Variants in LHFPL3 observed in about 807,000 individuals in gnomAD.
LHFPL3 encodes the protein LHFPL tetraspan subfamily member 3 protein.
In LHFPL3, 5 loss-of-function variants were observed where a neutral mutation model predicts 19.3. The observed-to-expected ratio is 0.26, with a 90% CI of 0.14 to 0.54. The LOEUF is 0.54. Among genes scored for constraint, LHFPL3 ranks in the 20% least tolerant of loss-of-function variants. The probability of loss-of-function intolerance (pLI) is 0.94; values close to 1 mark genes in which losing one functional copy is unlikely to be tolerated. For missense variants in LHFPL3, 249 were observed against 307.4 expected (o/e 0.81, Z 1.42); for synonymous variants, 133 against 126.2 (o/e 1.05, Z -0.36).
intron 2 of LHFPL3, 78 bp from the exon 3 acceptor site, chr7:104,906,109 A>G (rs1030104198): frequency 7.2e-7 from 1 of 1,396,186 alleles, no homozygotes; most frequent in Non-Finnish European, 1.0e-6. Context: ...ATTATGCACA[A>G]AAATCTTGCA....
intron 1 of LHFPL3, among the ~76,000 whole-genome samples, chr7:104,675,895 T>C (rs1013670989): frequency 1.3e-5 from 2 of 152,204 alleles, no homozygotes; most frequent in Admixed American, 6.5e-5. Context: ...AACTGCTGGA[T>C]GCAAGCATTT....
At chr7:104,852,587 C>T (rs924486902) in intron 2 of LHFPL3, among the ~76,000 whole-genome samples, 1 of 152,210 alleles carries the variant, frequency 6.6e-6, no homozygotes, top group Non-Finnish European at 1.5e-5. Context: ...GTCCTTTGCT[C>T]CTGCCCCCAG....
chr7:104,706,556 T>G (rs1052904300), intron 1 of LHFPL3, among the ~76,000 whole-genome samples: 1 of 152,210 alleles, frequency 6.6e-6, no homozygotes, highest in Non-Finnish European at 1.5e-5. Context: ...AAAATTTAAG[T>G]TCAGTAAAGA....
chr7:104,602,824 G>A (rs1790995126), intron 1 of LHFPL3, among the ~76,000 whole-genome samples: 1 of 152,142 alleles, frequency 6.6e-6, no homozygotes, highest in Admixed American at 6.5e-5. Flanking sequence ...GGACCTTATT[G>A]CTGTGTCATC....
At chr7:104,521,602 A>T (rs1019649523) in intron 1 of LHFPL3, among the ~76,000 whole-genome samples, 2 of 152,078 alleles carry the variant, frequency 1.3e-5, no homozygotes, top group South Asian at 2.1e-4. Context: ...TGAACAGGCA[A>T]CCTACAAAAT....
rs2115834831 is a variant in LHFPL3, at chr7:104,528,149, C to CT, written c.445+198929dup. ...CCACAAAGGAAACAGAAATAAGTTG[C>CT]TTTTACATCAGGAATTCTGTTGATT... is the stretch of plus-strand genomic sequence containing the variant. On this transcript the variant is annotated intron_variant, in intron 1 of 2. Transcript: ENST00000424859. Among the ~76,000 whole-genome samples the CT allele has an allele frequency of 1.3e-5, 2 of 152,262 alleles. 1 individual carries two copies. The highest frequency in any genetic ancestry group is 4.2e-4 in the South Asian group (2 of 4,818).
At chr7:104,692,706 A>G (rs1792927006) in intron 1 of LHFPL3, among the ~76,000 whole-genome samples, 1 of 152,140 alleles carries the variant, frequency 6.6e-6, no homozygotes, top group Non-Finnish European at 1.5e-5. Context: ...AGGTTTGGGG[A>G]CCTCTACCTA....
chr7:104,388,360 A>G (rs62486528), intron 1 of LHFPL3, among the ~76,000 whole-genome samples: 51,771 of 151,920 alleles, frequency 0.34, 9,170 homozygotes, highest in Admixed American at 0.49. Flanking sequence ...CTTGAAAGTG[A>G]CAAGAGAGAA....
chr7:104,774,809 A>G (rs1020350861), intron 2 of LHFPL3, among the ~76,000 whole-genome samples: 1 of 152,168 alleles, frequency 6.6e-6, no homozygotes, highest in Non-Finnish European at 1.5e-5. Context: ...TGTTTGTAGT[A>G]TAAGGAGCAT....
intron 2 of LHFPL3, among the ~76,000 whole-genome samples, chr7:104,832,463 C>T (rs1411887117): frequency 6.6e-6 from 1 of 151,698 alleles, no homozygotes; most frequent in Non-Finnish European, 1.5e-5. Context: ...TCGCATAATA[C>T]TCCTGTAAAG....
chr7:104,637,142 A>G (rs898046666), intron 1 of LHFPL3, among the ~76,000 whole-genome samples: 5 of 152,156 alleles, frequency 3.3e-5, no homozygotes, highest in African/African-American at 9.7e-5. Context: ...AGTGATATTT[A>G]GCATCTTTTT....
intron 2 of LHFPL3, among the ~76,000 whole-genome samples, chr7:104,865,999 AAAAT>A (rs1195651299): frequency 2.4e-4 from 36 of 152,314 alleles, no homozygotes; most frequent in African/African-American, 7.5e-4. Flanking sequence ...AAGGAGAAAT[AAAAT>A]ACTTTACAGA....
At chr7:104,570,235 CTT>C (rs1002972252) in intron 1 of LHFPL3, among the ~76,000 whole-genome samples, 4 of 152,178 alleles carry the variant, frequency 2.6e-5, no homozygotes, top group African/African-American at 9.6e-5. Context: ...TTTGCCTGCT[CTT>C]GTTTGCCCTG....
chr7:104,563,495 AC>A (rs1392659777), intron 1 of LHFPL3, among the ~76,000 whole-genome samples: 1 of 152,384 alleles, frequency 6.6e-6, no homozygotes, highest in East Asian at 1.9e-4. Context: ...GAACTCCCTG[AC>A]CCCTTGCGCT....
intron 2 of LHFPL3, among the ~76,000 whole-genome samples, chr7:104,883,412 G>A (rs1792091171): frequency 6.6e-6 from 1 of 152,146 alleles, no homozygotes; most frequent in African/African-American, 2.4e-5. Flanking sequence ...CTGAGTGCAT[G>A]ATGAATTGTA....
chr7:104,853,162 G>C (rs1414371427), intron 2 of LHFPL3, among the ~76,000 whole-genome samples: 2 of 152,214 alleles, frequency 1.3e-5, no homozygotes, highest in Non-Finnish European at 2.9e-5. Context: ...TGCCCACCTC[G>C]ATCCAGTTAC....
chr7:104,442,630 A>G (rs1324826873), intron 1 of LHFPL3, among the ~76,000 whole-genome samples: 2 of 152,208 alleles, frequency 1.3e-5, no homozygotes, highest in Admixed American at 6.5e-5. Context: ...GATTCTCTGA[A>G]TATTTCTTCA....
intron 1 of LHFPL3, among the ~76,000 whole-genome samples, chr7:104,422,754 A>G (rs963986309): frequency 4.8e-4 from 73 of 152,256 alleles, no homozygotes; most frequent in Non-Finnish European, 1.0e-4. Context: ...ACCAAAAAAG[A>G]TTCACAGACT....
At chr7:104,578,916 C>T (rs963179231) in intron 1 of LHFPL3, among the ~76,000 whole-genome samples, 12 of 152,102 alleles carry the variant, frequency 7.9e-5, no homozygotes, top group African/African-American at 2.9e-4. Context: ...TTTAAGTCTC[C>T]TAATTTGACT....
Sources: gnomAD v4.1 joint callset for allele counts (sites outside exome capture counted in the v4.1 genomes callset) on GRCh38, gnomAD v4.1.1 for gene constraint, MANE v1.5 for transcripts, NCBI Gene and HGNC (gene_info 2026-07-23, HGNC 2026-07-21) for gene names.